Variants in PPP3CA observed in about 807,000 individuals in gnomAD.
PPP3CA encodes the protein CAM-PRP catalytic subunit.
In PPP3CA, 14 loss-of-function variants were observed where a neutral mutation model predicts 66.5. That is an observed-to-expected ratio of 0.21 (90% confidence interval 0.14 to 0.33). The LOEUF (loss-of-function observed/expected upper bound fraction) is 0.33. Among genes scored for constraint, PPP3CA ranks in the 10% least tolerant of loss-of-function variants. The pLI is 1.00. For synonymous variants in PPP3CA, 232 were observed against 226.2 expected, an observed-to-expected ratio of 1.03 and a Z score of -0.23; for missense variants, 317 against 639.5, an observed-to-expected ratio of 0.50 and a Z score of 5.44.
At chr4:101,189,249 TATC>T (rs1724510718) in intron 2 of PPP3CA, among the ~76,000 whole-genome samples, 1 of 152,150 alleles carries the variant, frequency 6.6e-6, no homozygotes, top group Non-Finnish European at 1.5e-5. Flanking sequence ...ATTATATTAT[TATC>T]ATAATTTACT....
At chr4:101,134,142 C>T (rs1414155475) in intron 2 of PPP3CA, among the ~76,000 whole-genome samples, 1 of 151,974 alleles carries the variant, frequency 6.6e-6, no homozygotes, top group East Asian at 1.9e-4. Flanking sequence ...CCATAAAAAC[C>T]CTAGAAGAAA....
intron 2 of PPP3CA, among the ~76,000 whole-genome samples, chr4:101,109,809 C>T (rs926829889): frequency 5.9e-5 from 9 of 152,112 alleles, no homozygotes; most frequent in Non-Finnish European, 1.2e-4. Flanking sequence ...TTCTCACTTT[C>T]TCTTTTAAAC....
chr4:101,207,413 GA>G (rs1484157476), intron 1 of PPP3CA, among the ~76,000 whole-genome samples: 1 of 152,178 alleles, frequency 6.6e-6, no homozygotes, highest in Non-Finnish European at 1.5e-5. Context: ...AGTTCAGGGG[GA>G]CAAAGGCCTC....
intron 10 of PPP3CA, among the ~76,000 whole-genome samples, chr4:101,057,074 T>G (rs1460408837): frequency 6.6e-6 from 1 of 150,644 alleles, no homozygotes; most frequent in African/African-American, 2.5e-5. Context: ...TTTTTTTTTT[T>G]GAATCAGTCT....
At chr4:101,346,383 C>T (rs1214983517) in intron 1 of PPP3CA, among the ~76,000 whole-genome samples, 3 of 152,118 alleles carry the variant, frequency 2.0e-5, no homozygotes, top group Non-Finnish European at 4.4e-5. Flanking sequence ...TGAGCAGAGC[C>T]ACCCACTTCC....
intron 2 of PPP3CA, among the ~76,000 whole-genome samples, chr4:101,155,652 A>C (rs1723294657): frequency 6.9e-6 from 1 of 145,914 alleles, no homozygotes; most frequent in African/African-American, 2.7e-5. Flanking sequence ...GACTAACATA[A>C]GGAATTGTTA....
intron 3 of PPP3CA, among the ~76,000 whole-genome samples, chr4:101,105,459 C>T (rs962116032): frequency 5.3e-5 from 8 of 151,084 alleles, no homozygotes; most frequent in African/African-American, 1.9e-4. Flanking sequence ...CCACCACACC[C>T]AGCAACATCT....
At chr4:101,237,677 C>G (rs1448120776) in intron 1 of PPP3CA, among the ~76,000 whole-genome samples, 2 of 152,016 alleles carry the variant, frequency 1.3e-5, no homozygotes, top group Non-Finnish European at 2.9e-5. Context: ...ATGTAAACTT[C>G]TTGAACGAAC....
intron 11 of PPP3CA, among the ~76,000 whole-genome samples, chr4:101,038,036 C>G (rs3789745): frequency 0.38 from 57,878 of 152,104 alleles, 13,250 homozygotes; most frequent in African/African-American, 0.64. Flanking sequence ...TTCCTCACAG[C>G]AAAGTGAAGT....
intron 1 of PPP3CA, among the ~76,000 whole-genome samples, chr4:101,339,899 C>T (rs1304404420): frequency 6.6e-6 from 1 of 152,106 alleles, no homozygotes; most frequent in Non-Finnish European, 1.5e-5. Flanking sequence ...ATAGAAAGAA[C>T]TGGACATTTT....
intron 3 of PPP3CA, chr4:101,108,165 G>C (rs147282435): frequency 6.6e-6 from 1 of 152,148 alleles, no homozygotes. Context: ...AATTACCCTA[G>C]TTAGATGACA....
At chr4:101,119,766 A>G (rs967604644) in intron 2 of PPP3CA, among the ~76,000 whole-genome samples, 2 of 152,118 alleles carry the variant, frequency 1.3e-5, no homozygotes, top group South Asian at 2.1e-4. Flanking sequence ...GAATATCAGC[A>G]GAAGGGTTTT....
intron 2 of PPP3CA, among the ~76,000 whole-genome samples, chr4:101,145,923 T>TA (rs1722954957): frequency 6.6e-6 from 1 of 152,116 alleles, no homozygotes; most frequent in Non-Finnish European, 1.5e-5. Flanking sequence ...CTTAAAATCA[T>TA]AAAAATATTA....
intron 2 of PPP3CA, among the ~76,000 whole-genome samples, chr4:101,153,489 T>A (rs1394285492): frequency 6.6e-6 from 1 of 152,178 alleles, no homozygotes; most frequent in Non-Finnish European, 1.5e-5. Context: ...GTATAAACAC[T>A]TGGTACATGG....
chr4:101,313,615 A>G (rs1490321173), intron 1 of PPP3CA, among the ~76,000 whole-genome samples: 3 of 152,160 alleles, frequency 2.0e-5, no homozygotes, highest in Admixed American at 6.6e-5. Context: ...TGGGAAGATC[A>G]GTACTCCATG....
At chr4:101,298,938 T>C (rs1299529020) in intron 1 of PPP3CA, among the ~76,000 whole-genome samples, 1 of 151,238 alleles carries the variant, frequency 6.6e-6, no homozygotes, top group Non-Finnish European at 1.5e-5. Flanking sequence ...AAATGTATAA[T>C]TGGGCAATTT....
At chr4:101,140,364 C>T (rs937585879) in intron 2 of PPP3CA, among the ~76,000 whole-genome samples, 1 of 152,130 alleles carries the variant, frequency 6.6e-6, no homozygotes, top group African/African-American at 2.4e-5. Context: ...ACTGGCCTTT[C>T]AAGACACAGA....
intron 5 of PPP3CA, 51 bp downstream of exon 5, chr4:101,098,316 T>G: frequency 6.6e-7 from 1 of 1,508,178 alleles, no homozygotes; most frequent in Non-Finnish European, 8.9e-7. Flanking sequence ...TGTCTTCTAT[T>G]TATTACTGTA....
intron 1 of PPP3CA, among the ~76,000 whole-genome samples, chr4:101,247,954 A>G (rs1273119780): frequency 6.6e-6 from 1 of 152,216 alleles, no homozygotes; most frequent in Admixed American, 6.5e-5. Context: ...ACACACACAT[A>G]TATGAGAAAG....
Sources: allele counts gnomAD v4.1 joint callset (sites outside exome capture counted in the v4.1 genomes callset), GRCh38; gene constraint gnomAD v4.1.1; transcripts MANE v1.5; gene names NCBI Gene and HGNC (gene_info 2026-07-23, HGNC 2026-07-21).